Variants in EFCAB5 observed in about 807,000 individuals in gnomAD.
The protein encoded by EFCAB5 is EF-hand calcium-binding domain-containing protein 5.
A neutral mutation model predicts 167.9 loss-of-function variants in EFCAB5; 131 were observed. The ratio of observed to expected loss-of-function variants is 0.78; its 90% CI spans 0.68 to 0.90. EFCAB5 has a LOEUF of 0.90. Among genes scored for constraint, EFCAB5 ranks in the 40% least tolerant of loss-of-function variants. EFCAB5 has a pLI of 0.00. For missense variants in EFCAB5, 1,663 were observed against 1,745.2 expected, an observed-to-expected ratio of 0.95 and a Z score of 0.84; for synonymous variants, 574 against 602.8, an observed-to-expected ratio of 0.95 and a Z score of 0.70.
intron 3 of EFCAB5, among the ~76,000 whole-genome samples, chr17:29,960,383 T>C (rs891373739): frequency 1.3e-5 from 2 of 152,216 alleles, no homozygotes; most frequent in African/African-American, 4.8e-5. Flanking sequence ...GGATGATCAC[T>C]GGAGGGTTCT....
chr17:30,108,219 G>A lies in EFCAB5; in HGVS notation c.*195G>A. 5.9e-6 allele frequency: 3 copies of A among 512,170 alleles called. No homozygotes were observed. In the South Asian group the frequency reaches 7.5e-5, roughly 13 times the overall value. 31.7% of individuals were successfully genotyped at this position (512,170 alleles called of 1,614,324 possible). A position where few individuals can be genotyped will look rare whatever the true frequency, so the allele number is the denominator to read the frequency against. ...TTTAGCCAAAAAATACCCAGCTAAG[G>A]TAGCCATAGCCAAGTGTATTTAAGT... On this transcript the variant is annotated 3_prime_UTR_variant, in exon 23 of 23. Transcript: ENST00000394835.
Position 30,054,007 on chromosome 17 carries a change from G to A in EFCAB5, c.2053G>A (p.Gly685Arg), listed in dbSNP as rs776591568. 10 of 1,611,022 alleles carry A rather than the reference G, an allele frequency of 6.2e-6. No individual in the cohort carries two copies. Among genetic ancestry groups the A allele is most frequent in the Non-Finnish European group, 8.5e-6 (10 of 1,178,290 alleles). The change falls in exon 10 of 23, where the codon GGG becomes AGG. Residue 685 changes from glycine (G) to arginine (R), a missense_variant. Gly to Arg is a moderately radical substitution (Grantham distance 125). Transcript: ENST00000394835. ...KDSILKSTKY[G>R]EPITSEYIEV... ...TAGTATCTTAAAAAGTACAAAATAT[G>A]GGGAACCTATAACCTCTGAGTACAT...
At chr17:29,931,391 G>C (rs2067192377) in intron 1 of EFCAB5, among the ~76,000 whole-genome samples, 2 of 152,256 alleles carry the variant, frequency 1.3e-5, no homozygotes, top group Middle Eastern at 3.4e-3. Context: ...AGTCCTCTGT[G>C]CTGAGCCTTT....
chr17:30,070,936 C>T (rs1016226441), intron 14 of EFCAB5, among the ~76,000 whole-genome samples: 84 of 104,856 alleles, frequency 8.0e-4, no homozygotes, highest in Non-Finnish European at 3.8e-4. Context: ...GGTGACAGAG[C>T]GAGATTCCAT....
In EFCAB5 at chr17:30,090,529, A is replaced by G. The variant is rs2071175191; in HGVS notation, c.3792A>G (p.Gly1264=). The change falls in exon 20 of 23, where the codon GGA becomes GGG. Residue 1264 remains glycine, a synonymous_variant. Transcript: ENST00000394835. ...PLRERTGEAL[G]VLDFNIGQNR... is the part of the protein sequence containing the mutation. The stretch of plus-strand genomic sequence containing the variant: ...GTGAGAGAACAGGAGAGGCTCTGGG[A>G]GTCCTCGATTTTAACATCGGCCAAA... The G allele has an allele frequency of 6.2e-7, 1 of 1,614,010 alleles. No homozygotes were observed.
chr17:30,027,019 C>G (rs2069344197), intron 7 of EFCAB5, among the ~76,000 whole-genome samples: 1 of 113,428 alleles, frequency 8.8e-6, no homozygotes, highest in East Asian at 3.1e-4. Flanking sequence ...TGGAGTCTCG[C>G]TCTGTCGCCC....
intron 7 of EFCAB5, among the ~76,000 whole-genome samples, chr17:30,005,983 C>G (rs1166452477): frequency 6.6e-6 from 1 of 152,216 alleles, no homozygotes; most frequent in African/African-American, 2.4e-5. Context: ...CCACCTATAA[C>G]CTGCAAACCC....
intron 7 of EFCAB5, among the ~76,000 whole-genome samples, chr17:30,004,575 T>G (rs2068734185): frequency 6.6e-6 from 1 of 152,046 alleles, no homozygotes; most frequent in Admixed American, 6.5e-5. Flanking sequence ...AACTGCCTTC[T>G]ATAATTTTTA....
intron 8 of EFCAB5, among the ~76,000 whole-genome samples, chr17:30,039,527 A>C (rs1447123056): frequency 6.6e-6 from 1 of 152,142 alleles, no homozygotes; most frequent in Non-Finnish European, 1.5e-5. Context: ...CTGCCACTCC[A>C]GGGAGACCAC....
intron 8 of EFCAB5, among the ~76,000 whole-genome samples, chr17:30,039,215 G>C (rs566533214): frequency 6.6e-6 from 1 of 152,260 alleles, no homozygotes; most frequent in African/African-American, 2.4e-5. Flanking sequence ...ACCCTACCTC[G>C]TGCTGCTAAC....
chr17:29,948,641 A>G (rs1334386879), intron 3 of EFCAB5, among the ~76,000 whole-genome samples: 1 of 152,220 alleles, frequency 6.6e-6, no homozygotes, highest in Non-Finnish European at 1.5e-5. Context: ...AATTAAAGTC[A>G]TGTTATCTTG....
At chr17:29,990,149 T>A (rs1393781609) in intron 4 of EFCAB5, among the ~76,000 whole-genome samples, 1 of 152,174 alleles carries the variant, frequency 6.6e-6, no homozygotes, top group Non-Finnish European at 1.5e-5. Context: ...ATATAACTAC[T>A]TTGATATACT....
intron 19 of EFCAB5, among the ~76,000 whole-genome samples, chr17:30,089,392 A>G (rs1001969900): frequency 1.3e-5 from 2 of 152,202 alleles, no homozygotes; most frequent in South Asian, 4.1e-4. Flanking sequence ...TCACTGTAGG[A>G]TTGATATAGA....
At position 30,069,178 on chromosome 17, in the gene EFCAB5, G is replaced by A. The variant is rs2070660540; in HGVS notation, c.2738-9037G>A. On this transcript the variant is annotated intron_variant, in intron 14 of 22. Transcript: ENST00000394835. ...AAAGACAAGAGAATCCACATCTTCT[G>A]AGAAAGTTTCACAGTGTCCTTCAAA... 1.9e-6 allele frequency: 3 copies of A among 1,549,218 alleles called. No homozygotes were observed. The East Asian group carries it at 6.7e-5, about 35-fold the overall frequency.
intron 8 of EFCAB5, among the ~76,000 whole-genome samples, chr17:30,046,173 CTT>C (rs1422038303): frequency 6.6e-6 from 1 of 152,200 alleles, no homozygotes; most frequent in African/African-American, 2.4e-5. Flanking sequence ...TGTGCTATGT[CTT>C]TATCTGAGTG....
chr17:29,964,953 G>A (rs976643870), intron 3 of EFCAB5, among the ~76,000 whole-genome samples: 1 of 151,200 alleles, frequency 6.6e-6, no homozygotes, highest in African/African-American at 2.4e-5. Flanking sequence ...CCAGGCTAGA[G>A]TGCAGTGGCC....
chr17:30,013,890 A>T (rs1345060592), intron 7 of EFCAB5, among the ~76,000 whole-genome samples: 1 of 151,904 alleles, frequency 6.6e-6, no homozygotes. Flanking sequence ...TTTAATTGTG[A>T]TGTTAGGGTG....
At chr17:29,930,273 C>G (rs747207567) in intron 1 of EFCAB5, 1 of 494,208 alleles carries the variant, frequency 2.0e-6, no homozygotes, top group Non-Finnish European at 3.6e-6. Context: ...TACCGCCTCT[C>G]CCCTCGGCGC....
intron 8 of EFCAB5, among the ~76,000 whole-genome samples, chr17:30,044,255 T>C (rs557941957): frequency 6.6e-6 from 1 of 152,048 alleles, no homozygotes; most frequent in South Asian, 2.1e-4. Flanking sequence ...CACAGTGAGA[T>C]AAAAATTAAA....
Sources: allele counts gnomAD v4.1 joint callset (sites outside exome capture counted in the v4.1 genomes callset), GRCh38; gene constraint gnomAD v4.1.1; transcripts MANE v1.5; gene names NCBI Gene and HGNC (gene_info 2026-07-23, HGNC 2026-07-21).